RB1CC1: variants seen among roughly 807,000 people sequenced by gnomAD.
The protein encoded by RB1CC1 is RB1-inducible coiled-coil protein 1.
In RB1CC1, 46 loss-of-function variants were observed where a neutral mutation model predicts 177.5. The ratio of observed to expected loss-of-function variants is 0.26; its 90% CI spans 0.20 to 0.33. RB1CC1 has a LOEUF of 0.33. Among genes scored for constraint, RB1CC1 ranks in the 10% least tolerant of loss-of-function variants. RB1CC1 has a pLI of 1.00. For missense variants in RB1CC1, 1,703 were observed against 1,816.3 expected (o/e 0.94, Z 1.13); for synonymous variants, 666 against 613.6 (o/e 1.09, Z -1.26).
In RB1CC1 at chr8:52,650,337, T is replaced by C. The variant is rs536017378; in HGVS notation, c.3822-4470A>G. ...CTGAAGAGAGAGACTCTGGAGGTGG[T>C]TGTAGCCAAACATGTGGGCAATGTG... is the stretch of plus-strand genomic sequence containing the variant. On this transcript the variant is annotated intron_variant, in intron 15 of 23. Transcript: ENST00000025008. Among the ~76,000 whole-genome samples the C allele has an allele frequency of 4.0e-4, 61 of 152,284 alleles. 1 individual carries two copies. The South Asian group carries it at 0.01, about 25-fold the overall frequency.
At position 52,687,009 on chromosome 8, in the gene RB1CC1, G is replaced by C. The variant is rs1213353157; in HGVS notation, c.-166-42C>G. ...TCTGGTTATAAAGAGAAACAATTCAGTACGAAACAACATATGGCTATTGTT... is the reference window on the plus strand; with the variant it reads ...TCTGGTTATAAAGAGAAACAATTCACTACGAAACAACATATGGCTATTGTT... On this transcript the variant is annotated intron_variant, in intron 1 of 23. Transcript: ENST00000025008. The C allele has an allele frequency of 1.1e-5, 5 of 453,262 alleles. No individual in the cohort carries two copies. In the East Asian group the frequency reaches 3.5e-4, roughly 32 times the overall value. The allele number at this position is 453,262 out of a possible 1,614,324, so 28.1% of individuals were successfully genotyped here. A position where few individuals can be genotyped will look rare whatever the true frequency, so the allele number is the denominator to read the frequency against.
intron 18 of RB1CC1, among the ~76,000 whole-genome samples, chr8:52,637,173 C>T (rs1463172546): frequency 6.6e-6 from 1 of 152,148 alleles, no homozygotes; most frequent in Non-Finnish European, 1.5e-5. Context: ...GGGAGGGCTA[C>T]CATCTTAAGG....
At chr8:52,697,594 A>G (rs545413192) in intron 1 of RB1CC1, among the ~76,000 whole-genome samples, 2 of 152,212 alleles carry the variant, frequency 1.3e-5, no homozygotes, top group African/African-American at 2.4e-5. Flanking sequence ...AGCAAAAATA[A>G]GCGAAGGAAG....
intron 15 of RB1CC1, among the ~76,000 whole-genome samples, chr8:52,646,291 G>A (rs952163006): frequency 1.7e-4 from 26 of 151,504 alleles, no homozygotes; most frequent in African/African-American, 5.1e-4. Context: ...GTGAGACCCC[G>A]TCTCTTAAAC....
intron 1 of RB1CC1, among the ~76,000 whole-genome samples, chr8:52,695,873 C>T (rs1855358832): frequency 6.6e-6 from 1 of 152,132 alleles, no homozygotes; most frequent in South Asian, 2.1e-4. Context: ...CCAGTGAATT[C>T]TCCAAAGAGA....
At chr8:52,639,434 G>A (rs1258661187) in intron 18 of RB1CC1, among the ~76,000 whole-genome samples, 1 of 152,082 alleles carries the variant, frequency 6.6e-6, no homozygotes, top group Non-Finnish European at 1.5e-5. Context: ...GGTCTTTGTG[G>A]TTTGTAAAGG....
rs1851250286 is a variant in RB1CC1, at chr8:52,658,184, C to G, written c.1794-60G>C. On this transcript the variant is annotated intron_variant, in intron 13 of 23. Coordinates refer to ENST00000025008, the MANE Select transcript of RB1CC1 (RefSeq NM_014781.5). ...TTTTTAATGAACTAGTAGATAACTGCTACCAAATATTTTAATATGTCAAAA... is the reference window on the plus strand; with the variant it reads ...TTTTTAATGAACTAGTAGATAACTGGTACCAAATATTTTAATATGTCAAAA... 5.4e-6 allele frequency: 8 copies of G among 1,491,946 alleles called. No homozygotes were observed. The East Asian group carries it at 1.8e-4, about 34-fold the overall frequency. The allele number at this position is 1,491,946 out of a possible 1,614,324, so 92.4% of individuals were successfully genotyped here.
At chr8:52,680,265 TCAA>T (rs1296233492) in intron 5 of RB1CC1, among the ~76,000 whole-genome samples, 1 of 152,080 alleles carries the variant, frequency 6.6e-6, no homozygotes, top group Non-Finnish European at 1.5e-5. Flanking sequence ...AAAAAAGAAC[TCAA>T]CACAGAGATT....
chr8:52,666,206 A>G (rs893607266), intron 8 of RB1CC1, among the ~76,000 whole-genome samples: 5 of 152,144 alleles, frequency 3.3e-5, no homozygotes, highest in East Asian at 1.9e-4. Flanking sequence ...AGGCAAGACC[A>G]TAAGAGTGAG....
intron 15 of RB1CC1, among the ~76,000 whole-genome samples, chr8:52,653,266 A>G (rs1563380346): frequency 6.6e-6 from 1 of 152,136 alleles, no homozygotes; most frequent in African/African-American, 2.4e-5. Context: ...GAGGGAGATG[A>G]GAACACTGAA....
intron 5 of RB1CC1, among the ~76,000 whole-genome samples, chr8:52,677,886 T>C (rs984841083): frequency 1.3e-5 from 2 of 151,804 alleles, no homozygotes; most frequent in African/African-American, 4.8e-5. Context: ...AAATGACGAG[T>C]AAAAGAGCTG....
At chr8:52,644,471 TAA>T (rs1211044975) in intron 16 of RB1CC1, among the ~76,000 whole-genome samples, 1 of 152,158 alleles carries the variant, frequency 6.6e-6, no homozygotes, top group Non-Finnish European at 1.5e-5. Context: ...CACAAGGAGA[TAA>T]AGAGATCAAT....
intron 15 of RB1CC1, among the ~76,000 whole-genome samples, chr8:52,649,844 T>C (rs1486166238): frequency 5.3e-5 from 8 of 152,206 alleles, no homozygotes; most frequent in Admixed American, 4.6e-4. Context: ...CTTTCTCCTA[T>C]ATTTTCAAAA....
chr8:52,650,228 C>T (rs1215898055), intron 15 of RB1CC1, among the ~76,000 whole-genome samples: 1 of 152,174 alleles, frequency 6.6e-6, no homozygotes, highest in Admixed American at 6.5e-5. Flanking sequence ...ACAGAGAAGC[C>T]AGGGATATTA....
intron 1 of RB1CC1, among the ~76,000 whole-genome samples, chr8:52,693,323 G>C (rs1388664814): frequency 6.6e-6 from 1 of 152,132 alleles, no homozygotes; most frequent in Non-Finnish European, 1.5e-5. Context: ...ACTATCATCA[G>C]AGTGAACAGA....
At chr8:52,682,859 G>T (rs998139071) in intron 5 of RB1CC1, among the ~76,000 whole-genome samples, 2 of 152,036 alleles carry the variant, frequency 1.3e-5, no homozygotes, top group African/African-American at 4.8e-5. Flanking sequence ...TGTATCCTAT[G>T]TGAAAAATGG....
intron 1 of RB1CC1, among the ~76,000 whole-genome samples, chr8:52,701,061 T>C (rs895101148): frequency 6.6e-6 from 1 of 152,152 alleles, no homozygotes; most frequent in African/African-American, 2.4e-5. Context: ...GAAACAGACA[T>C]AACTGGTCTC....
intron 20 of RB1CC1, among the ~76,000 whole-genome samples, chr8:52,633,375 C>T (rs1353114703): frequency 5.3e-5 from 8 of 152,068 alleles, no homozygotes; most frequent in Admixed American, 6.6e-5. Flanking sequence ...TGATTAAAAT[C>T]GTTGCCAAAC....
rs1590998575 is a variant in RB1CC1 at position 52,658,773 on chromosome 8, C to T, written c.1793+100G>A. 4 of 708,914 alleles carry T rather than the reference C, an allele frequency of 5.6e-6. No individual in the cohort carries two copies. The East Asian group carries it at 1.3e-4, about 24-fold the overall frequency. The allele number at this position is 708,914 out of a possible 1,614,324, so 43.9% of individuals were successfully genotyped here. A position where few individuals can be genotyped will look rare whatever the true frequency, so the allele number is the denominator to read the frequency against. On this transcript the variant is annotated intron_variant, in intron 13 of 23. Transcript: ENST00000025008. Reference sequence around the variant, plus strand: ...CCAGTCTATCTTAAATATTTCTTATCTTGGCACCTCTTAAGATTACTGGTA... The same window carrying T: ...CCAGTCTATCTTAAATATTTCTTATTTTGGCACCTCTTAAGATTACTGGTA...
Sources: gnomAD v4.1 joint callset for allele counts (sites outside exome capture counted in the v4.1 genomes callset) on GRCh38, gnomAD v4.1.1 for gene constraint, MANE v1.5 for transcripts, NCBI Gene and HGNC (gene_info 2026-07-23, HGNC 2026-07-21) for gene names.